CCAR1: variants seen among roughly 807,000 people sequenced by gnomAD.
CCAR1 encodes the protein cell division cycle and apoptosis regulator protein 1.
CCAR1 carries 78 observed loss-of-function variants against 163.8 expected under a neutral mutation model. The observed-to-expected ratio is 0.48, with a 90% CI of 0.40 to 0.57. CCAR1 has a LOEUF of 0.57. Ranked by LOEUF, CCAR1 falls within the 20% of genes least tolerant of loss-of-function variation. The pLI, the probability that CCAR1 is intolerant of heterozygous loss-of-function variation, is 0.00. For synonymous variants in CCAR1, 443 were observed against 460.7 expected (o/e 0.96, Z 0.49); for missense variants, 1,019 against 1,365.2 (o/e 0.75, Z 4.00).
chr10:68,748,700 G>T (rs2056291797), intron 8 of CCAR1, among the ~76,000 whole-genome samples: 1 of 151,884 alleles, frequency 6.6e-6, no homozygotes, highest in South Asian at 2.1e-4. Flanking sequence ...ATGATGCCCA[G>T]GCTGCATTTT....
rs2056849244 is a variant in CCAR1, at chr10:68,791,254, T to G, written c.3441T>G (p.Gly1147=). The change falls in exon 25 of 25, where the codon GGT becomes GGG. Residue 1147 remains glycine, a synonymous_variant. Coordinates refer to ENST00000265872, the MANE Select transcript of CCAR1 (RefSeq NM_018237.4). The part of the protein sequence containing the change: ...EDKDQKSKEN[G]ASV ...AAGATCAAAAATCCAAGGAGAATGG[T>G]GCCAGTGTATGATAAAATCCATGTA... The G allele has an allele frequency of 1.3e-6, 2 of 1,597,306 alleles. No individual in the cohort carries two copies. The highest frequency in any genetic ancestry group is 3.4e-5 in the Admixed American group (2 of 59,364).
chr10:68,751,176 C>G (rs561068110), intron 10 of CCAR1, among the ~76,000 whole-genome samples: 9 of 151,716 alleles, frequency 5.9e-5, no homozygotes, highest in Non-Finnish European at 5.9e-5. Flanking sequence ...TACAGGAATG[C>G]GCCACCACAC....
chr10:68,729,933 T>C (rs1407259374), intron 2 of CCAR1, among the ~76,000 whole-genome samples: 2 of 136,900 alleles, frequency 1.5e-5, no homozygotes, highest in Admixed American at 7.5e-5. Flanking sequence ...TTTTTTTTTT[T>C]ATTGAGATGG....
intron 19 of CCAR1, among the ~76,000 whole-genome samples, chr10:68,776,661 C>G (rs902475726): frequency 1.3e-5 from 2 of 151,958 alleles, no homozygotes; most frequent in Non-Finnish European, 2.9e-5. Context: ...TTAAGCAGTC[C>G]TCCTCCTCAG....
At chr10:68,751,757 G>A (rs2056333585) in intron 10 of CCAR1, among the ~76,000 whole-genome samples, 1 of 151,530 alleles carries the variant, frequency 6.6e-6, no homozygotes, top group South Asian at 2.1e-4. Flanking sequence ...CCAGTTTCTT[G>A]GGAGGCTGAG....
At chr10:68,772,272 C>T (rs972147906) in intron 18 of CCAR1, among the ~76,000 whole-genome samples, 10 of 151,868 alleles carry the variant, frequency 6.6e-5, no homozygotes, top group Non-Finnish European at 1.2e-4. Flanking sequence ...TGCTTGACTC[C>T]AGTAGTTCAA....
At chr10:68,777,829 G>A (rs1315017935) in intron 19 of CCAR1, among the ~76,000 whole-genome samples, 1 of 152,166 alleles carries the variant, frequency 6.6e-6, no homozygotes, top group Non-Finnish European at 1.5e-5. Context: ...CTACTCAGGA[G>A]TCTGAGCTGG....
At chr10:68,784,699 C>A (rs2056775817) in intron 19 of CCAR1, among the ~76,000 whole-genome samples, 1 of 152,062 alleles carries the variant, frequency 6.6e-6, no homozygotes, top group Non-Finnish European at 1.5e-5. Flanking sequence ...CAGGCATGCG[C>A]TACTTAGTCT....
At position 68,786,608 on chromosome 10, in the gene CCAR1, T is replaced by G; in HGVS notation, c.2796T>G (p.Phe932Leu). ...ATCTGTTAATGGCTTTTGTTTATTT[T>G]GATCAAAGTCATTGTGGTTACCTTC... ...NRDLLMAFVYFDQSHCGYLLE... is the reference protein window; with the variant it reads ...NRDLLMAFVYLDQSHCGYLLE... The change falls in exon 21 of 25, where the codon TTT becomes TTG. Residue 932 changes from phenylalanine (F) to leucine (L), a missense_variant. Physicochemically the swap from Phe to Leu is conservative, Grantham distance 22 (BLOSUM62 0). Around this residue, in one of 4 missense-constraint regions of CCAR1, gnomAD observed 358 missense variants for 406.4 expected, o/e 0.88. Coordinates refer to ENST00000265872, the MANE Select transcript of CCAR1 (RefSeq NM_018237.4). 6.2e-7 allele frequency: 1 copy of G among 1,602,988 alleles called. No homozygotes were observed.
intron 11 of CCAR1, among the ~76,000 whole-genome samples, chr10:68,754,374 T>G (rs1375948553): frequency 2.6e-5 from 4 of 152,216 alleles, no homozygotes; most frequent in African/African-American, 9.6e-5. Flanking sequence ...CAGATAAAAC[T>G]TAATGTTAGA....
chr10:68,747,331 T>G, intron 7 of CCAR1, 43 bp from the exon 8 acceptor site: 1 of 1,597,138 alleles, frequency 6.3e-7, no homozygotes, highest in Non-Finnish European at 8.6e-7. Flanking sequence ...GTCTTCTAAT[T>G]CACAAAGATT....
intron 17 of CCAR1, among the ~76,000 whole-genome samples, 181 bp from the exon 18 acceptor site, chr10:68,771,025 C>A (rs2056595599): frequency 6.6e-6 from 1 of 152,044 alleles, no homozygotes; most frequent in Admixed American, 6.6e-5. Flanking sequence ...TTGCTGTGAG[C>A]CAAGATCGTG....
Position 68,771,387 on chromosome 10 carries a change from C to G in CCAR1, c.2480C>G (p.Pro827Arg). 3 of 1,592,986 alleles carry G rather than the reference C, an allele frequency of 1.9e-6. No homozygotes were observed. The highest frequency in any genetic ancestry group is 1.7e-4 in the Middle Eastern group (1 of 6,014). Residue 827 changes from proline to arginine, a missense_variant, in exon 18 of 25, where the codon CCC (proline) becomes CGC (arginine). By Grantham distance (103) the Pro-to-Arg change is moderately radical (BLOSUM62 -2). Transcript: ENST00000265872. ...GATGATGAAACTGATGAACCAAAAC[C>G]CAAACGGAGAAAATCAGGCGATGAT... is the stretch of plus-strand genomic sequence containing the variant. ...ERDDETDEPK[P>R]KRRKSGDDKD... is the part of the protein sequence containing the mutation.
intron 19 of CCAR1, among the ~76,000 whole-genome samples, chr10:68,777,052 T>C (rs1272503027): frequency 6.6e-6 from 1 of 152,196 alleles, no homozygotes; most frequent in Non-Finnish European, 1.5e-5. Flanking sequence ...TCTTTCCAGT[T>C]GTTGAGACTA....
intron 19 of CCAR1, among the ~76,000 whole-genome samples, chr10:68,776,494 A>T (rs1221654049): frequency 1.3e-5 from 2 of 152,130 alleles, no homozygotes; most frequent in Non-Finnish European, 2.9e-5. Flanking sequence ...TGAACCCAGG[A>T]GGCGGAGGTT....
At chr10:68,759,819 A>G (rs947215025) in intron 15 of CCAR1, among the ~76,000 whole-genome samples, 4 of 152,110 alleles carry the variant, frequency 2.6e-5, no homozygotes, top group African/African-American at 9.7e-5. Context: ...AATATTTTAT[A>G]CTATTCAATT....
At chr10:68,754,583 T>G in intron 11 of CCAR1, 131 bp from the exon 12 acceptor site, 1 of 573,750 alleles carries the variant, frequency 1.7e-6, no homozygotes, top group Non-Finnish European at 3.0e-6. Flanking sequence ...TAATACTGTT[T>G]CTGCTATAGT....
intron 6 of CCAR1, among the ~76,000 whole-genome samples, chr10:68,743,053 C>T (rs2056203239): frequency 6.6e-6 from 1 of 152,100 alleles, no homozygotes. Flanking sequence ...CTGCCTCAGC[C>T]TCCCGAGTAG....
chr10:68,790,001 T>C, intron 24 of CCAR1, 86 bp downstream of exon 24: 1 of 800,650 alleles, frequency 1.2e-6, no homozygotes, highest in East Asian at 2.8e-5. Flanking sequence ...TATTAAGCTC[T>C]TAGTGATTAT....
Sources: allele counts gnomAD v4.1 joint callset (sites outside exome capture counted in the v4.1 genomes callset), GRCh38; gene constraint gnomAD v4.1.1; regional missense constraint gnomAD v4.1.1; transcripts MANE v1.5; gene names NCBI Gene and HGNC (gene_info 2026-07-23, HGNC 2026-07-21).